The following GRAMD1A variants were observed in gnomAD, a reference collection of about 807,000 sequenced individuals.
The protein encoded by GRAMD1A is protein Aster-A.
Under a neutral mutation model 92.0 loss-of-function variants are expected in GRAMD1A, and 50 were observed. The ratio of observed to expected loss-of-function variants is 0.54; its 90% CI spans 0.43 to 0.69. GRAMD1A has a LOEUF of 0.69. GRAMD1A is among the 30% of genes least tolerant of loss of function. The pLI is 0.00. For synonymous variants in GRAMD1A, 405 were observed against 403.6 expected (o/e 1.00, Z -0.04); for missense variants, 819 against 978.9 (o/e 0.84, Z 2.18).
Position 35,000,826 on chromosome 19 carries a change from G to C in GRAMD1A, c.8+340G>C, listed in dbSNP as rs574966705. ...TGGCAACCCCCTGCCTGGTAAGCCA[G>C]GGGTGAGCGCGAGGCCGAACTGGGG... On this transcript the variant is annotated intron_variant, in intron 1 of 19. Transcript: ENST00000317991. This position sits in a 1 kb window ranked among gnomAD's most constrained non-coding sequence, Gnocchi z 4.9. 1.3e-5 allele frequency among the ~76,000 whole-genome samples: 2 copies of C among 152,134 alleles called. No individual in the cohort carries two copies. The highest frequency in any genetic ancestry group is 2.9e-5 in the Non-Finnish European group (2 of 67,992).
In GRAMD1A at chr19:35,014,456, G is replaced by A. The variant is rs994107933; in HGVS notation, c.1069+69G>A. The A allele has an allele frequency of 1.3e-5, 17 of 1,353,334 alleles. No individual in the cohort carries two copies. In the Middle Eastern group the frequency reaches 2.4e-3, roughly 192 times the overall value. The allele number at this position is 1,353,334 out of a possible 1,614,324, so 83.8% of individuals were successfully genotyped here. ...GCCTCGCTCAGTCTTAAGCAAGAGG[G>A]GATGGATTCGCCCGCAGCACTGAGA... On this transcript the variant is annotated intron_variant, in intron 10 of 19. Transcript: ENST00000317991.
chr19:35,024,717 G>C (rs2016317187), intron 19 of GRAMD1A, among the ~76,000 whole-genome samples: 1 of 152,164 alleles, frequency 6.6e-6, no homozygotes, highest in Non-Finnish European at 1.5e-5. Flanking sequence ...GGGCAGGATG[G>C]GGTGGGGAGG....
upstream of GRAMD1A, chr19:34,996,388 C>A (rs2014038478): frequency 3.1e-6 from 3 of 955,610 alleles, no homozygotes; most frequent in Non-Finnish European, 4.5e-6. Context: ...GGTCAGAGCA[C>A]AACCTTAGCC....
intron 1 of GRAMD1A, among the ~76,000 whole-genome samples, chr19:35,008,326 G>T (rs1046333100): frequency 6.6e-6 from 1 of 151,772 alleles, no homozygotes; most frequent in African/African-American, 2.4e-5. Context: ...GAGAGATTCC[G>T]TCTTAAAATA....
At chr19:35,000,226 G>A, upstream of GRAMD1A, 1 of 1,021,758 alleles carries the variant, frequency 9.8e-7, no homozygotes, top group Non-Finnish European at 1.2e-6. The surrounding 1 kb of genome is among the most constrained non-coding windows in gnomAD (Gnocchi z 4.9). Flanking sequence ...GCCCCTCCCC[G>A]CCTTCCCTCC....
At position 35,009,918 on chromosome 19, in the gene GRAMD1A, G is replaced by A. The variant is rs1369457587; in HGVS notation, c.271G>A (p.Glu91Lys). 2 of 1,612,704 alleles carry A rather than the reference G, an allele frequency of 1.2e-6. No homozygotes were observed. The highest frequency in any genetic ancestry group is 1.7e-6 in the Non-Finnish European group (2 of 1,178,812). The change falls in exon 4 of 20, where the codon GAG becomes AAG. Residue 91 changes from glutamate (E) to lysine (K), a missense_variant. By Grantham distance (56) the Glu-to-Lys change is moderately conservative. Transcript: ENST00000317991. ...MLSPTYKQRN[E>K]DFRKLFSKLP... is the part of the protein sequence containing the mutation. ...GAGCCCCACTTATAAGCAGCGTAAT[G>A]AGGACTTCCGGAAACTGTTCAGCAA...
chr19:35,005,246 C>A (rs1168853343), intron 1 of GRAMD1A, among the ~76,000 whole-genome samples: 1 of 126,294 alleles, frequency 7.9e-6, no homozygotes, highest in Non-Finnish European at 1.6e-5. Flanking sequence ...GGGGGAAATA[C>A]TGAAGGTCCC....
rs199604519 is a variant in GRAMD1A, at chr19:35,015,973, C to G, written c.1213+6C>G. ...ACAGCAGTGCAAGTTCACAGGTCAGCGGGCGCATGAAGGAGAGGCTGAGGT... is the reference window on the plus strand; with the variant it reads ...ACAGCAGTGCAAGTTCACAGGTCAGGGGGCGCATGAAGGAGAGGCTGAGGT... On this transcript the variant is annotated splice_donor_region_variant and intron_variant, in intron 11 of 19. Coordinates refer to ENST00000317991, the MANE Select transcript of GRAMD1A (RefSeq NM_020895.5). 6.8e-6 allele frequency: 11 copies of G among 1,610,908 alleles called. No individual in the cohort carries two copies. Among genetic ancestry groups the G allele is most frequent in the African/African-American group, 1.3e-5 (1 of 74,744 alleles).
chr19:34,999,819 C>A (rs1051226033), upstream of GRAMD1A, among the ~76,000 whole-genome samples: 1 of 152,204 alleles, frequency 6.6e-6, no homozygotes, highest in Non-Finnish European at 1.5e-5. Flanking sequence ...ACGGAGGCAC[C>A]GGACCTCCTG....
At chr19:35,009,718 C>T (rs915715138) in intron 3 of GRAMD1A, 170 bp from the exon 4 acceptor site, 23 of 646,156 alleles carry the variant, frequency 3.6e-5, no homozygotes, top group South Asian at 1.8e-4. Context: ...GTACGGGGCC[C>T]GGCTTACATA....
At position 35,010,494 on chromosome 19, in the gene GRAMD1A, T is replaced by C. The variant is rs1032906730; in HGVS notation, c.525+115T>C. On this transcript the variant is annotated intron_variant, in intron 6 of 19. Transcript: ENST00000317991. ...CTGAGTTCTCTCCGAGCTGTCCCCT[T>C]CTCTCTGTTCTCCCGGCCCAGGCGC... is the stretch of plus-strand genomic sequence containing the variant. 8 of 712,184 alleles carry C rather than the reference T, an allele frequency of 1.1e-5. No homozygotes were observed. The African/African-American group carries it at 1.4e-4, about 12-fold the overall frequency. 44.1% of individuals were successfully genotyped at this position (712,184 alleles called of 1,614,324 possible).
chr19:35,001,895 A>G (rs2151698620), intron 1 of GRAMD1A, among the ~76,000 whole-genome samples: 1 of 152,250 alleles, frequency 6.6e-6, no homozygotes, highest in South Asian at 2.1e-4. Context: ...GGCTTAAGCC[A>G]TCGCGCCTGG....
intron 13 of GRAMD1A, among the ~76,000 whole-genome samples, chr19:35,019,974 TCA>T: frequency 6.6e-6 from 1 of 152,112 alleles, no homozygotes; most frequent in East Asian, 1.9e-4. Flanking sequence ...AAGAAATGTT[TCA>T]CCAAGAACCT....
rs549285137 is a variant in GRAMD1A, at chr19:35,021,809, C to T, written c.1698C>T (p.Asp566=). The part of the protein sequence containing the change: ...KRPLSWRAHG[D]GPQHPDPDPC... ...CCCTGAGCTGGCGGGCTCACGGGGA[C>T]GGGCCCCAGCACCCAGATCCTGACC... Residue 566 remains aspartate, a synonymous_variant, in exon 15 of 20, where the codon GAC becomes GAT. Transcript: ENST00000317991. The surrounding 1 kb of genome is among the most constrained non-coding windows in gnomAD (Gnocchi z 5.3). The T allele has an allele frequency of 8.1e-6, 13 of 1,608,818 alleles. No individual in the cohort carries two copies. The Admixed American group carries it at 8.4e-5, about 10-fold the overall frequency.
chr19:35,009,418 T>C lies in GRAMD1A; in HGVS notation c.220-5T>C. 12 of 1,614,072 alleles carry C rather than the reference T, an allele frequency of 7.4e-6. No homozygotes were observed. Among genetic ancestry groups the C allele is most frequent in the Non-Finnish European group, 1.0e-5 (12 of 1,179,998 alleles). On this transcript the variant is annotated splice_polypyrimidine_tract_variant and splice_region_variant and intron_variant, in intron 2 of 19. Coordinates refer to ENST00000317991, the MANE Select transcript of GRAMD1A (RefSeq NM_020895.5). Reference sequence around the variant, plus strand: ...TCATCCTGACTCCTCTCCTTTTCTTTGCAGAAGATGCAGAGCTGGTACAGT... The same window carrying C: ...TCATCCTGACTCCTCTCCTTTTCTTCGCAGAAGATGCAGAGCTGGTACAGT...
intron 16 of GRAMD1A, 84 bp from the exon 17 acceptor site, chr19:35,022,816 G>A (rs1403312974): frequency 8.9e-6 from 13 of 1,455,040 alleles, no homozygotes; most frequent in African/African-American, 1.4e-5. Context: ...GCCAAGAGCT[G>A]CCCCGGGTGA....
chr19:35,025,920 AGGGACCCTGGGGT>A (rs1192482677), intron 19 of GRAMD1A, 116 bp from the exon 20 acceptor site: 10 of 659,972 alleles, frequency 1.5e-5, no homozygotes, highest in Non-Finnish European at 2.8e-5. Context: ...CTTTTCACCA[AGGGACCCTGGGGT>A]GGGGCAGTAT....
chr19:34,995,584 T>TTTG (rs1568310047), upstream of GRAMD1A, among the ~76,000 whole-genome samples: 37 of 143,838 alleles, frequency 2.6e-4, 2 homozygotes, highest in African/African-American at 8.4e-4. Context: ...TTTTTTTTTT[T>TTTG]TTTTTTTTTT....
upstream of GRAMD1A, chr19:34,996,278 C>G (rs2014034086): frequency 6.5e-7 from 1 of 1,531,486 alleles, no homozygotes; most frequent in Admixed American, 2.0e-5. Context: ...CCCGCAGAGT[C>G]TGTCCCAGGA....
Sources: allele counts gnomAD v4.1 joint callset (sites outside exome capture counted in the v4.1 genomes callset), GRCh38; gene constraint gnomAD v4.1.1; non-coding constraint Gnocchi (gnomAD v3.1); transcripts MANE v1.5; gene names NCBI Gene and HGNC (gene_info 2026-07-23, HGNC 2026-07-21).